RNF4: variants seen among roughly 807,000 people sequenced by gnomAD.
RNF4 encodes the protein ring finger protein 4.
Under a neutral mutation model 24.3 loss-of-function variants are expected in RNF4, and 7 were observed. The observed-to-expected ratio is 0.29, with a 90% CI of 0.16 to 0.54. RNF4 has a LOEUF of 0.54. Among genes scored for constraint, RNF4 ranks in the 20% least tolerant of loss-of-function variants. RNF4 has a pLI of 0.95. For synonymous variants in RNF4, 83 were observed against 84.3 expected (o/e 0.98, Z 0.09); for missense variants, 209 against 248.5 (o/e 0.84, Z 1.07).
Position 2,475,075 on chromosome 4 carries a change from C to T in RNF4, c.-158+5817C>T, listed in dbSNP as rs188030738. The stretch of plus-strand genomic sequence containing the variant: ...TCACAGCTGCCCCAACCTTCATTAG[C>T]CACTGCCCTGATCCATGAGCAGCCA... On this transcript the variant is annotated intron_variant, in intron 1 of 7. Transcript: ENST00000314289. Among the ~76,000 whole-genome samples the T allele has an allele frequency of 4.9e-4, 75 of 152,310 alleles. 1 individual carries two copies. Among genetic ancestry groups the T allele is most frequent in the Middle Eastern group, 3.4e-3 (1 of 294 alleles).
At chr4:2,504,726 A>ATTTTTTTTTTTTTTTTTTTTTTTT (rs1182588172) in intron 4 of RNF4, among the ~76,000 whole-genome samples, 1 of 61,126 alleles carries the variant, frequency 1.6e-5, no homozygotes, top group Non-Finnish European at 3.2e-5. Context: ...CATTTTTTGT[A>ATTTTTTTTTTTTTTTTTTTTTTTT]TTTTTTTTTT....
At position 2,515,101 on chromosome 4, in the gene RNF4, CCT is replaced by C. The variant is rs1425414864; in HGVS notation, c.*1285_*1286del. ...GAGGCCTTACAGTGCCGGCATGCCT[CCT>C]CTTCCACTGTCGTCCTTCCTCAGAG... On this transcript the variant is annotated 3_prime_UTR_variant, in exon 8 of 8. Transcript: ENST00000314289. 1.3e-5 allele frequency: 2 copies of C among 152,684 alleles called. No individual in the cohort carries two copies. Among genetic ancestry groups the C allele is most frequent in the African/African-American group, 4.8e-5 (2 of 41,468 alleles). The allele number at this position is 152,684 out of a possible 1,614,324, so 9.5% of individuals were successfully genotyped here.
chr4:2,479,450 G>T (rs1009716809), intron 1 of RNF4, among the ~76,000 whole-genome samples: 2 of 152,144 alleles, frequency 1.3e-5, no homozygotes, highest in Non-Finnish European at 2.9e-5. Context: ...ATGTGGGAGG[G>T]ACCCGGTGGG....
chr4:2,504,524 T>TTTTATTTA (rs148529651), intron 4 of RNF4, among the ~76,000 whole-genome samples: 13,076 of 140,700 alleles, frequency 0.093, 648 homozygotes, highest in East Asian at 0.15. Flanking sequence ...GTTTTATAGC[T>TTTTATTTA]TTTATTTATT....
intron 4 of RNF4, among the ~76,000 whole-genome samples, chr4:2,502,637 A>C (rs1349570165): frequency 6.7e-6 from 1 of 149,624 alleles, no homozygotes; most frequent in African/African-American, 2.5e-5. Context: ...ACGTCACTGC[A>C]CTCCAGCCCG....
chr4:2,483,962 G>A lies in RNF4; in HGVS notation c.-157-6375G>A, dbSNP rs190595342. ...CTGCCTCAGGTTCCCGAGTAGCTGG[G>A]ATTACAGGCGCCCACCACCACACCC... is the stretch of plus-strand genomic sequence containing the variant. On this transcript the variant is annotated intron_variant, in intron 1 of 7. Coordinates refer to ENST00000314289, the MANE Select transcript of RNF4 (RefSeq NM_002938.5). Among the ~76,000 whole-genome samples the A allele has an allele frequency of 2.0e-5, 3 of 149,302 alleles. No individual in the cohort carries two copies. In the Admixed American group the frequency reaches 2.0e-4, roughly 10 times the overall value.
intron 1 of RNF4, among the ~76,000 whole-genome samples, chr4:2,477,658 A>G (rs1735122478): frequency 6.6e-6 from 1 of 152,168 alleles, no homozygotes. Context: ...GCTGCCATCT[A>G]TGTAAGGCAT....
rs1578531266 is a variant in RNF4 at position 2,515,309 on chromosome 4, A to G, written c.*1490A>G. 6.5e-6 allele frequency: 1 copy of G among 152,754 alleles called. No homozygotes were observed. Among genetic ancestry groups the G allele is most frequent in the East Asian group, 1.9e-4 (1 of 5,192 alleles). The allele number at this position is 152,754 out of a possible 1,614,324, so 9.5% of individuals were successfully genotyped here. On this transcript the variant is annotated 3_prime_UTR_variant, in exon 8 of 8. Coordinates refer to ENST00000314289, the MANE Select transcript of RNF4 (RefSeq NM_002938.5). ...TGTCCCTCCTCTATGTGAAAAGAAA[A>G]TTGTTTTATTCTTCATTCTGACTTT...
chr4:2,481,385 A>T (rs1243235569), intron 1 of RNF4, among the ~76,000 whole-genome samples: 2 of 151,426 alleles, frequency 1.3e-5, no homozygotes, highest in South Asian at 2.1e-4. Context: ...ATGCTTTTTT[A>T]TTTTTTTTAA....
Position 2,514,831 on chromosome 4 carries a change from C to T in RNF4, c.*1012C>T, listed in dbSNP as rs906800203. ...GTTGCCCCATGTTCGGAGAACCTGG[C>T]CCACCTGTCTTGGCTTTCTCATCCT... On this transcript the variant is annotated 3_prime_UTR_variant, in exon 8 of 8. Coordinates refer to ENST00000314289, the MANE Select transcript of RNF4 (RefSeq NM_002938.5). 1.3e-5 allele frequency: 2 copies of T among 152,674 alleles called. No individual in the cohort carries two copies. The highest frequency in any genetic ancestry group is 6.5e-5 in the Admixed American group (1 of 15,278). The allele number at this position is 152,674 out of a possible 1,614,324, so 9.5% of individuals were successfully genotyped here. A position where few individuals can be genotyped will look rare whatever the true frequency, so the allele number is the denominator to read the frequency against.
intron 1 of RNF4, among the ~76,000 whole-genome samples, chr4:2,472,206 T>C (rs1734928933): frequency 1.3e-5 from 2 of 152,232 alleles, no homozygotes; most frequent in South Asian, 2.1e-4. Flanking sequence ...AAAAATCTAC[T>C]GTGTGCTGAT....
At chr4:2,495,092 GCTCCCT>G (rs375313878) in intron 2 of RNF4, among the ~76,000 whole-genome samples, 49,524 of 152,102 alleles carry the variant, frequency 0.33, 9,460 homozygotes, top group Admixed American at 0.52. Context: ...GTTAGTGTCA[GCTCCCT>G]TGAGGCCAAG....
Position 2,512,975 on chromosome 4 carries a change from G to A in RNF4, c.375-108G>A. The A allele has an allele frequency of 9.2e-7, 1 of 1,084,454 alleles. No individual in the cohort carries two copies. Among genetic ancestry groups the A allele is most frequent in the Non-Finnish European group, 1.4e-6 (1 of 708,058 alleles). The allele number at this position is 1,084,454 out of a possible 1,614,324, so 67.2% of individuals were successfully genotyped here. A position where few individuals can be genotyped will look rare whatever the true frequency, so the allele number is the denominator to read the frequency against. ...GGATGCCCGCGCTAAGGCAGAGTCA[G>A]GAGGCCAGGGACGGGACTCTTGTAG... On this transcript the variant is annotated intron_variant, in intron 6 of 7. Transcript: ENST00000314289. The surrounding 1 kb of genome is among the most constrained non-coding windows in gnomAD (Gnocchi z 4.1).
At chr4:2,500,892 A>G in intron 4 of RNF4, 154 bp downstream of exon 4, 1 of 652,738 alleles carries the variant, frequency 1.5e-6, no homozygotes, top group Non-Finnish European at 2.7e-6. Context: ...TTAGAAAGAA[A>G]ATAAACAGTA....
intron 1 of RNF4, among the ~76,000 whole-genome samples, chr4:2,473,670 G>C (rs1028769475): frequency 6.6e-6 from 1 of 152,032 alleles, no homozygotes; most frequent in Non-Finnish European, 1.5e-5. Flanking sequence ...AATTAGCAGG[G>C]CGTGGTGGCG....
At chr4:2,513,209 C>T (rs1214849930) in intron 7 of RNF4, 78 bp downstream of exon 7, 5 of 1,395,908 alleles carry the variant, frequency 3.6e-6, no homozygotes, top group Admixed American at 1.7e-5. Flanking sequence ...CAGGATCTTC[C>T]CCCTCGGTGG....
At position 2,513,992 on chromosome 4, in the gene RNF4, A is replaced by G. The variant is rs1578529973; in HGVS notation, c.*173A>G. On this transcript the variant is annotated 3_prime_UTR_variant, in exon 8 of 8. Coordinates refer to ENST00000314289, the MANE Select transcript of RNF4 (RefSeq NM_002938.5). ...CTTTTGTTATCTCCAGTTTGATGCT[A>G]TGGCGCTGGACCCAGGGCCCTCCCA... The G allele has an allele frequency of 2.3e-6, 2 of 865,592 alleles. No individual in the cohort carries two copies. Among genetic ancestry groups the G allele is most frequent in the South Asian group, 1.7e-5 (1 of 59,482 alleles). The allele number at this position is 865,592 out of a possible 1,614,324, so 53.6% of individuals were successfully genotyped here.
chr4:2,479,801 C>A (rs1735193696), intron 1 of RNF4: 1 of 152,208 alleles, frequency 6.6e-6, no homozygotes, highest in African/African-American at 2.4e-5. Context: ...CTAATTGTGA[C>A]TGTTTTTACT....
rs551821460 is a variant in RNF4 at position 2,488,116 on chromosome 4, C to T, written c.-157-2221C>T. 2.0e-5 allele frequency among the ~76,000 whole-genome samples: 3 copies of T among 152,280 alleles called. No homozygotes were observed. In the South Asian group the frequency reaches 6.2e-4, roughly 32 times the overall value. ...CTGTGTTTGCTCATTGCTGTATTCC[C>T]AGGGCAGGGGCTGTACTGTGAATGA... On this transcript the variant is annotated intron_variant, in intron 1 of 7. Transcript: ENST00000314289.
Sources: gnomAD v4.1 joint callset for allele counts (sites outside exome capture counted in the v4.1 genomes callset) on GRCh38, gnomAD v4.1.1 for gene constraint, Gnocchi (gnomAD v3.1) non-coding constraint, MANE v1.5 for transcripts, NCBI Gene and HGNC (gene_info 2026-07-23, HGNC 2026-07-21) for gene names.